Variants in CNTN4 observed in about 807,000 individuals in gnomAD.
CNTN4 encodes the protein contactin-4.
Under a neutral mutation model 122.5 loss-of-function variants are expected in CNTN4, and 77 were observed. The observed-to-expected ratio is 0.63, with a 90% CI of 0.52 to 0.76. CNTN4 has a LOEUF of 0.76. CNTN4 is among the 30% of genes least tolerant of loss of function. CNTN4 has a pLI of 0.00. For synonymous variants in CNTN4, 512 were observed against 447.0 expected, an observed-to-expected ratio of 1.15 and a Z score of -1.83; for missense variants, 1,256 against 1,259.1, an observed-to-expected ratio of 1.00 and a Z score of 0.04.
intron 17 of CNTN4, among the ~76,000 whole-genome samples, chr3:3,036,659 C>T (rs1699633803): frequency 6.6e-6 from 1 of 151,404 alleles, no homozygotes; most frequent in Non-Finnish European, 1.5e-5. Context: ...CCCTGCTACT[C>T]AGGAGGCTGA....
At chr3:2,535,629 C>T (rs961679039) in intron 3 of CNTN4, among the ~76,000 whole-genome samples, 2 of 152,010 alleles carry the variant, frequency 1.3e-5, no homozygotes, top group African/African-American at 4.8e-5. Flanking sequence ...GATAGAGATT[C>T]CTATGTTCTA....
chr3:2,460,137 G>C (rs1470920810), intron 3 of CNTN4, among the ~76,000 whole-genome samples: 1 of 151,724 alleles, frequency 6.6e-6, no homozygotes, highest in African/African-American at 2.4e-5. Flanking sequence ...ACTTTTTCTG[G>C]GAGGTCACCC....
chr3:2,850,268 G>A (rs531647310), intron 7 of CNTN4, among the ~76,000 whole-genome samples: 5 of 152,234 alleles, frequency 3.3e-5, no homozygotes, highest in South Asian at 4.1e-4. Flanking sequence ...GATTACAGGC[G>A]TGAGCCTCCG....
intron 13 of CNTN4, among the ~76,000 whole-genome samples, chr3:2,948,498 A>G (rs1481099587): frequency 6.6e-6 from 1 of 152,352 alleles, no homozygotes; most frequent in East Asian, 1.9e-4. Flanking sequence ...ATTGCATGTT[A>G]GGCTCGCAGG....
chr3:2,192,935 T>C (rs570098510), intron 2 of CNTN4, among the ~76,000 whole-genome samples: 33 of 152,286 alleles, frequency 2.2e-4, no homozygotes, highest in African/African-American at 7.5e-4. Flanking sequence ...TCCAGGCATA[T>C]AATAGACTTC....
At chr3:2,994,874 C>A (rs73116659) in intron 14 of CNTN4, among the ~76,000 whole-genome samples, 64 of 152,238 alleles carry the variant, frequency 4.2e-4, no homozygotes, top group African/African-American at 1.5e-3. Context: ...AAATCAGTAA[C>A]ATACAATGAC....
chr3:2,151,528 G>A (rs375059404), intron 2 of CNTN4, among the ~76,000 whole-genome samples: 16 of 152,136 alleles, frequency 1.1e-4, no homozygotes, highest in African/African-American at 2.9e-4. Flanking sequence ...CTTGGGATAC[G>A]TCAGCCAACA....
At chr3:2,419,150 A>G (rs2047524727) in intron 3 of CNTN4, among the ~76,000 whole-genome samples, 1 of 152,188 alleles carries the variant, frequency 6.6e-6, no homozygotes, top group East Asian at 1.9e-4. Flanking sequence ...GCTTTGAGTA[A>G]TAGTTTATAT....
At chr3:2,476,521 G>A (rs1486581431) in intron 3 of CNTN4, among the ~76,000 whole-genome samples, 2 of 152,106 alleles carry the variant, frequency 1.3e-5, no homozygotes, top group Admixed American at 6.6e-5. Context: ...TACCTCTTAC[G>A]GCAAGAGTGA....
chr3:2,115,411 C>G (rs991232234), intron 2 of CNTN4, among the ~76,000 whole-genome samples: 5 of 152,150 alleles, frequency 3.3e-5, no homozygotes, highest in Admixed American at 3.3e-4. Context: ...GTTATTCTTT[C>G]TTGGAACCAA....
At position 2,351,329 on chromosome 3, in the gene CNTN4, T is replaced by A. The variant is rs555954923; in HGVS notation, c.-89+12096T>A. On this transcript the variant is annotated intron_variant, in intron 3 of 24. Transcript: ENST00000418658. ...AGTGCAGGAAACTTAGGCGCAGAAA[T>A]GTTTGGTTAAAAGTGGCACAGATTC... Among the ~76,000 whole-genome samples, 80 of 152,250 alleles carry A rather than the reference T, an allele frequency of 5.3e-4. 2 individuals are homozygous for A. The highest frequency in any genetic ancestry group is 3.4e-3 in the Middle Eastern group (1 of 294).
intron 2 of CNTN4, among the ~76,000 whole-genome samples, chr3:2,201,039 CT>C (rs1275279858): frequency 6.6e-6 from 1 of 152,072 alleles, no homozygotes; most frequent in East Asian, 1.9e-4. Flanking sequence ...CCTTTTTTCC[CT>C]GAGAAATGCC....
chr3:2,429,168 G>A (rs2047961980), intron 3 of CNTN4, among the ~76,000 whole-genome samples: 1 of 152,182 alleles, frequency 6.6e-6, no homozygotes, highest in Non-Finnish European at 1.5e-5. Context: ...CTGATTTTTA[G>A]AATTTTCAGG....
intron 2 of CNTN4, among the ~76,000 whole-genome samples, chr3:2,178,904 G>A (rs530332552): frequency 6.6e-5 from 10 of 151,844 alleles, no homozygotes; most frequent in Non-Finnish European, 1.3e-4. Flanking sequence ...AATGAAATAC[G>A]ACCAAAAAAT....
chr3:2,764,754 G>A (rs753574132), intron 6 of CNTN4, among the ~76,000 whole-genome samples: 101 of 152,204 alleles, frequency 6.6e-4, no homozygotes, highest in Middle Eastern at 3.4e-3. Flanking sequence ...ACAATAACAG[G>A]AGCTAACACT....
chr3:2,724,352 G>T (rs1190145997), intron 4 of CNTN4, among the ~76,000 whole-genome samples: 1 of 152,114 alleles, frequency 6.6e-6, no homozygotes, highest in Admixed American at 6.5e-5. Context: ...TCTACATTGT[G>T]TTCTCATTCC....
rs146986655 is a variant in CNTN4, at chr3:2,970,449, C to CTT, written c.1359-17887_1359-17886dup. On this transcript the variant is annotated intron_variant, in intron 13 of 24. Coordinates refer to ENST00000418658, the MANE Select transcript of CNTN4 (RefSeq NM_175607.3). ...TTAATGATAACACAGTTTATAAACA[C>CTT]TTTTTTTTTTAATTGAGACAGTTTT... Among the ~76,000 whole-genome samples, 174 of 149,172 alleles carry CTT rather than the reference C, an allele frequency of 1.2e-3. 1 individual carries two copies. The highest frequency in any genetic ancestry group is 3.9e-3 in the African/African-American group (160 of 40,638).
At chr3:2,199,705 AAGAC>A (rs1198206447) in intron 2 of CNTN4, among the ~76,000 whole-genome samples, 1 of 152,190 alleles carries the variant, frequency 6.6e-6, no homozygotes, top group Non-Finnish European at 1.5e-5. Context: ...TTCTGTGAAG[AAGAC>A]AGACAGTAAA....
chr3:2,257,283 T>C (rs2040636292), intron 2 of CNTN4, among the ~76,000 whole-genome samples: 1 of 152,186 alleles, frequency 6.6e-6, no homozygotes, highest in East Asian at 1.9e-4. Flanking sequence ...TATACAAAAA[T>C]TAACTCAAGC....
Sources: allele counts gnomAD v4.1 joint callset (sites outside exome capture counted in the v4.1 genomes callset), GRCh38; gene constraint gnomAD v4.1.1; transcripts MANE v1.5; gene names NCBI Gene and HGNC (gene_info 2026-07-23, HGNC 2026-07-21).